The following CLASP1 variants were observed in gnomAD, a reference collection of about 807,000 sequenced individuals.
CLASP1 encodes CLIP-associating protein 1.
CLASP1 carries 38 observed loss-of-function variants against 192.3 expected under a neutral mutation model. That is an observed-to-expected ratio of 0.20 (90% CI 0.15 to 0.26). CLASP1 has a LOEUF of 0.26. CLASP1 is among the 10% of genes least tolerant of loss of function. The pLI, the probability that CLASP1 is intolerant of heterozygous loss-of-function variation, is 1.00. For missense variants in CLASP1, 1,433 were observed against 1,932.5 expected, an observed-to-expected ratio of 0.74 and a Z score of 4.85; for synonymous variants, 691 against 712.8, an observed-to-expected ratio of 0.97 and a Z score of 0.49.
At chr2:121,388,596 G>A (rs1428722192) in intron 30 of CLASP1, among the ~76,000 whole-genome samples, 12 of 152,240 alleles carry the variant, frequency 7.9e-5, no homozygotes, top group African/African-American at 2.2e-4. Context: ...GCTGGAACAA[G>A]AGTGGTCAAT....
chr2:121,359,267 T>C (rs1407215972), intron 37 of CLASP1, among the ~76,000 whole-genome samples: 1 of 152,240 alleles, frequency 6.6e-6, no homozygotes, highest in African/African-American at 2.4e-5. Flanking sequence ...AGCATATTTC[T>C]ATATCATAAT....
intron 2 of CLASP1, among the ~76,000 whole-genome samples, chr2:121,549,138 A>C (rs191564160): frequency 1.3e-3 from 191 of 152,332 alleles, no homozygotes; most frequent in African/African-American, 4.4e-3. Context: ...AAAGGCACAG[A>C]GTGGCAAGCT....
chr2:121,579,821 A>G (rs1330905182), intron 2 of CLASP1, among the ~76,000 whole-genome samples: 1 of 152,220 alleles, frequency 6.6e-6, no homozygotes, highest in Non-Finnish European at 1.5e-5. Context: ...CAAAAGTCTG[A>G]GGCAAAAATA....
intron 8 of CLASP1, among the ~76,000 whole-genome samples, chr2:121,494,428 T>C (rs1280671852): frequency 1.3e-5 from 2 of 152,104 alleles, no homozygotes; most frequent in East Asian, 1.9e-4. Flanking sequence ...GGGAGTAGAA[T>C]ACCAGTTACC....
chr2:121,554,981 A>C (rs1013091199), intron 2 of CLASP1, among the ~76,000 whole-genome samples: 2 of 152,202 alleles, frequency 1.3e-5, no homozygotes, highest in African/African-American at 2.4e-5. Context: ...TACCTGCCCC[A>C]AACAAGTATT....
At chr2:121,555,304 TC>T (rs2058443601) in intron 2 of CLASP1, among the ~76,000 whole-genome samples, 1 of 152,190 alleles carries the variant, frequency 6.6e-6, no homozygotes, top group Non-Finnish European at 1.5e-5. Context: ...TCCAGTGGCC[TC>T]CCACCAATAT....
At chr2:121,419,637 G>C (rs2079162197) in intron 22 of CLASP1, among the ~76,000 whole-genome samples, 1 of 151,856 alleles carries the variant, frequency 6.6e-6, no homozygotes, top group Non-Finnish European at 1.5e-5. Flanking sequence ...AGAATTGCAT[G>C]AATAGCCCAG....
At chr2:121,340,610 T>C (rs1326361924) in exon 40 of CLASP1, 1 of 440,262 alleles carries the variant, frequency 2.3e-6, no homozygotes. Flanking sequence ...GTACAAGACA[T>C]GTTTCAGTAT....
rs559613867 is a variant in CLASP1 at position 121,382,376 on chromosome 2, G to A, written c.3375-52C>T. 274 of 1,113,224 alleles carry A rather than the reference G, an allele frequency of 2.5e-4. 5 individuals carry two copies. The Admixed American group carries it at 7.3e-3, about 30-fold the overall frequency. 69.0% of individuals were successfully genotyped at this position (1,113,224 alleles called of 1,614,324 possible). ...GAGAGAGAAATACAAAAAGCAAAGG[G>A]GAGGGGAGGAGGAAAGCACTACACA... On this transcript the variant is annotated intron_variant, in intron 32 of 39. Transcript: ENST00000263710.
intron 2 of CLASP1, among the ~76,000 whole-genome samples, chr2:121,604,353 G>T (rs1281846180): frequency 6.6e-6 from 1 of 152,218 alleles, no homozygotes; most frequent in Non-Finnish European, 1.5e-5. Flanking sequence ...GAATGAAATA[G>T]AATTTTAGCC....
intron 9 of CLASP1, among the ~76,000 whole-genome samples, chr2:121,463,494 G>A (rs34423727): frequency 0.015 from 2,279 of 152,262 alleles, 27 homozygotes; most frequent in South Asian, 0.048. Flanking sequence ...AAGGATGACC[G>A]TCACTCACTG....
At chr2:121,624,639 A>G (rs991379150) in intron 1 of CLASP1, among the ~76,000 whole-genome samples, 6 of 151,112 alleles carry the variant, frequency 4.0e-5, no homozygotes, top group Non-Finnish European at 7.4e-5. Context: ...CTGGTCTTGA[A>G]CTCCTGATCT....
At chr2:121,467,354 T>C (rs2089813110) in intron 9 of CLASP1, among the ~76,000 whole-genome samples, 1 of 152,200 alleles carries the variant, frequency 6.6e-6, no homozygotes, top group Non-Finnish European at 1.5e-5. Context: ...CAAATGGTAA[T>C]TCTGCCTCTA....
intron 2 of CLASP1, among the ~76,000 whole-genome samples, chr2:121,569,248 A>C (rs2059775751): frequency 6.6e-6 from 1 of 152,198 alleles, no homozygotes; most frequent in Non-Finnish European, 1.5e-5. Flanking sequence ...ACGTCACAGA[A>C]GGTTTCTAAA....
At chr2:121,545,594 T>C (rs1378881312) in intron 2 of CLASP1, among the ~76,000 whole-genome samples, 3 of 152,228 alleles carry the variant, frequency 2.0e-5, no homozygotes, top group East Asian at 3.8e-4. Context: ...GTCTGTTTCC[T>C]TGGGCATCGT....
At chr2:121,512,017 T>C (rs2094151536) in intron 7 of CLASP1, among the ~76,000 whole-genome samples, 1 of 152,226 alleles carries the variant, frequency 6.6e-6, no homozygotes, top group African/African-American at 2.4e-5. Context: ...TGAATGTTTA[T>C]AAATTTTAAA....
In CLASP1 at chr2:121,530,887, C is replaced by G. The variant is rs370715569; in HGVS notation, c.196-562G>C. On this transcript the variant is annotated intron_variant, in intron 2 of 39. Coordinates refer to ENST00000263710, the Ensembl canonical transcript of CLASP1. ...CCAGGGACTTTCTATTATAACCATC[C>G]TTTTCTTGGGGTTGCGCTACTGTCC... 16 of 692,862 alleles carry G rather than the reference C, an allele frequency of 2.3e-5. No individual in the cohort carries two copies. Among genetic ancestry groups the G allele is most frequent in the South Asian group, 5.9e-5 (4 of 67,258 alleles). The allele number at this position is 692,862 out of a possible 1,614,324, so 42.9% of individuals were successfully genotyped here.
chr2:121,581,026 G>C (rs1245930446), intron 2 of CLASP1, among the ~76,000 whole-genome samples: 1 of 152,110 alleles, frequency 6.6e-6, no homozygotes. Flanking sequence ...CGTGCAATCA[G>C]ACCCCTCTGC....
At chr2:121,432,812 T>C (rs982310955) in intron 19 of CLASP1, among the ~76,000 whole-genome samples, 1 of 152,176 alleles carries the variant, frequency 6.6e-6, no homozygotes, top group Non-Finnish European at 1.5e-5. Context: ...TAAACTTGTA[T>C]ACAGATTTGG....
Sources: allele counts gnomAD v4.1 joint callset (sites outside exome capture counted in the v4.1 genomes callset), GRCh38; gene constraint gnomAD v4.1.1; transcripts MANE v1.5; gene names NCBI Gene and HGNC (gene_info 2026-07-23, HGNC 2026-07-21).